Variants in LARS1 observed in about 807,000 individuals in gnomAD.
The protein encoded by LARS1 is leucyl-tRNA synthetase 1.
A neutral mutation model predicts 162.8 loss-of-function variants in LARS1; 100 were observed. That is an observed-to-expected ratio of 0.61 (90% CI 0.52 to 0.73). The LOEUF (loss-of-function observed/expected upper bound fraction) is 0.73. Among genes scored for constraint, LARS1 ranks in the 30% least tolerant of loss-of-function variants. The pLI is 0.00. For missense variants in LARS1, 1,258 were observed against 1,408.9 expected, an observed-to-expected ratio of 0.89 and a Z score of 1.71; for synonymous variants, 457 against 462.8, an observed-to-expected ratio of 0.99 and a Z score of 0.16.
intron 1 of LARS1, among the ~76,000 whole-genome samples, chr5:146,178,719 C>T (rs550786493): frequency 6.6e-6 from 1 of 152,174 alleles, no homozygotes; most frequent in East Asian, 1.9e-4. Flanking sequence ...CACAACTGTT[C>T]ATCCCTTTCC....
At chr5:146,123,003 G>A (rs1395276) in intron 29 of LARS1, among the ~76,000 whole-genome samples, 34,123 of 151,804 alleles carry the variant, frequency 0.22, 4,840 homozygotes, top group Admixed American at 0.34. Context: ...AGATGACCCT[G>A]AACATAAGGT....
intron 28 of LARS1, among the ~76,000 whole-genome samples, chr5:146,125,483 G>C (rs1284640135): frequency 5.3e-5 from 8 of 151,922 alleles, no homozygotes; most frequent in African/African-American, 1.9e-4. Context: ...ATACTAATTT[G>C]TATTTTTAAA....
intron 2 of LARS1, among the ~76,000 whole-genome samples, chr5:146,175,540 CAA>C (rs869050326): frequency 6.8e-4 from 44 of 64,730 alleles, no homozygotes; most frequent in Admixed American, 1.3e-3. Flanking sequence ...GACTCCACCT[CAA>C]AAAAAAAAAA....
intron 25 of LARS1, 112 bp from the exon 26 acceptor site, chr5:146,129,230 A>G: frequency 1.1e-6 from 1 of 942,704 alleles, no homozygotes. Context: ...TTGTGTGCTC[A>G]GAGTTCAAAC....
intron 1 of LARS1, chr5:146,181,053 C>A (rs1754810191): frequency 6.6e-6 from 1 of 152,124 alleles, no homozygotes; most frequent in South Asian, 2.1e-4. Flanking sequence ...GCTTGATCAT[C>A]CTTTTAAAAA....
At chr5:146,120,182 C>A in intron 31 of LARS1, 189 bp downstream of exon 31, 1 of 582,420 alleles carries the variant, frequency 1.7e-6, no homozygotes, top group Admixed American at 3.4e-5. Context: ...AGTGACATGG[C>A]AAAGCCACTA....
intron 6 of LARS1, among the ~76,000 whole-genome samples, chr5:146,162,885 A>C (rs1204323052): frequency 1.3e-5 from 2 of 152,200 alleles, no homozygotes; most frequent in East Asian, 3.9e-4. Context: ...GCGCAGCCTC[A>C]GCTCACTGCA....
chr5:146,182,250 G>A, intron 1 of LARS1: 4 of 575,288 alleles, frequency 7.0e-6, no homozygotes, highest in South Asian at 6.5e-5. Context: ...TCTCCACCTC[G>A]ATTTTAGAAA....
At chr5:146,173,665 T>G (rs895209977) in intron 2 of LARS1, among the ~76,000 whole-genome samples, 8 of 151,924 alleles carry the variant, frequency 5.3e-5, no homozygotes, top group African/African-American at 1.7e-4. Flanking sequence ...ATGAAGAATA[T>G]CTAACATACA....
At chr5:146,137,555 TA>T in intron 21 of LARS1, among the ~76,000 whole-genome samples, 1 of 152,316 alleles carries the variant, frequency 6.6e-6, no homozygotes, top group South Asian at 2.1e-4. Flanking sequence ...AGGACTACTA[TA>T]CTGCTTGGGA....
intron 29 of LARS1, among the ~76,000 whole-genome samples, chr5:146,123,650 G>A (rs1751922980): frequency 6.6e-6 from 1 of 151,642 alleles, no homozygotes; most frequent in Admixed American, 6.6e-5. Flanking sequence ...ACAATTCAGA[G>A]TACTCCATAA....
At chr5:146,121,622 T>C (rs932069241) in intron 30 of LARS1, among the ~76,000 whole-genome samples, 1 of 152,162 alleles carries the variant, frequency 6.6e-6, no homozygotes. Context: ...GTGGCACATA[T>C]ACAGCATGGA....
At chr5:146,126,879 A>C (rs1371416214) in intron 27 of LARS1, among the ~76,000 whole-genome samples, 3 of 152,158 alleles carry the variant, frequency 2.0e-5, no homozygotes, top group African/African-American at 7.2e-5. Flanking sequence ...TATTAAAATA[A>C]AAAATTACAC....
chr5:146,169,129 T>C (rs532209343), intron 4 of LARS1, among the ~76,000 whole-genome samples: 1 of 151,648 alleles, frequency 6.6e-6, no homozygotes, highest in Non-Finnish European at 1.5e-5. Context: ...GAAAGAAAGA[T>C]AGATTACTGT....
intron 5 of LARS1, among the ~76,000 whole-genome samples, chr5:146,165,654 T>A (rs1160663425): frequency 1.4e-5 from 1 of 71,446 alleles, no homozygotes; most frequent in Non-Finnish European, 2.8e-5. Flanking sequence ...TACAAATATA[T>A]GATATAACCA....
intron 27 of LARS1, 54 bp from the exon 28 acceptor site, chr5:146,126,599 G>A: frequency 1.6e-6 from 2 of 1,212,812 alleles, no homozygotes. Flanking sequence ...CAAGAATAAG[G>A]CAGAACAGTA....
chr5:146,122,676 G>T, intron 29 of LARS1, 89 bp from the exon 30 acceptor site: 2 of 609,054 alleles, frequency 3.3e-6, no homozygotes, highest in South Asian at 2.7e-5. Flanking sequence ...AACAAAACTA[G>T]GTTCTCCAGT....
In LARS1 at chr5:146,153,941, A is replaced by G; in HGVS notation, c.1105T>C (p.Tyr369His). The stretch of plus-strand genomic sequence containing the variant: ...ATTGGGAGAACATAGATCACCTTGT[A>G]TGATGTTAAAGGTGCAGAAAGTGAT... ...GASLSAPLTS[Y>H]KVIYVLPMLT... The change falls in exon 11 of 32, where the codon TAC (tyrosine) becomes CAC (histidine). Residue 369 changes from tyrosine (Y) to histidine (H), a missense_variant. Coordinates refer to ENST00000394434, the MANE Select transcript of LARS1 (RefSeq NM_020117.11). 1 of 1,612,060 alleles carries G rather than the reference A, an allele frequency of 6.2e-7. No individual in the cohort carries two copies. Among genetic ancestry groups the G allele is most frequent in the South Asian group, 1.1e-5 (1 of 90,856 alleles).
rs1360031816 is a variant in LARS1 at position 146,114,249 on chromosome 5, C to CTCCT, written c.3387_3388insAGGA (p.Val1130ArgfsTer15). 11 of 1,613,732 alleles carry CTCCT rather than the reference C, an allele frequency of 6.8e-6. No homozygotes were observed. The highest frequency in any genetic ancestry group is 9.3e-6 in the Non-Finnish European group (11 of 1,179,968). On this transcript the variant is annotated frameshift_variant, in exon 32 of 32. Coordinates refer to ENST00000394434, the MANE Select transcript of LARS1 (RefSeq NM_020117.11). LOFTEE classifies it high-confidence loss of function. The stretch of plus-strand genomic sequence containing the variant: ...TTCTCGGTGTACTCCTTTCCCAGGA[C>CTCCT]AGGAACTCGTCGAGGCCCCAACAGT...
Sources: gnomAD v4.1 joint callset for allele counts (sites outside exome capture counted in the v4.1 genomes callset) on GRCh38, gnomAD v4.1.1 for gene constraint, MANE v1.5 for transcripts, NCBI Gene and HGNC (gene_info 2026-07-23, HGNC 2026-07-21) for gene names.